Variants in ART3 observed in about 807,000 individuals in gnomAD.
The protein encoded by ART3 is ecto-ADP-ribosyltransferase 3.
Under a neutral mutation model 48.5 loss-of-function variants are expected in ART3, and 49 were observed. The observed-to-expected ratio is 1.01, with a 90% CI of 0.80 to 1.28. The LOEUF is 1.28. ART3 is among the 50% of genes most tolerant of loss of function. The probability of loss-of-function intolerance (pLI) is 0.00; values close to 1 mark genes in which losing one functional copy is unlikely to be tolerated. For synonymous variants in ART3, 145 were observed against 157.2 expected (o/e 0.92, Z 0.58); for missense variants, 438 against 454.3 (o/e 0.96, Z 0.33).
chr4:76,109,189 C>G (rs6843361), intron 11 of ART3, among the ~76,000 whole-genome samples: 26,483 of 152,098 alleles, frequency 0.17, 2,536 homozygotes, highest in East Asian at 0.41. Context: ...ACACATTGTA[C>G]AGTAGTACAA....
At chr4:76,064,886 C>T (rs924935985) in intron 1 of ART3, among the ~76,000 whole-genome samples, 1 of 150,210 alleles carries the variant, frequency 6.7e-6, no homozygotes, top group Non-Finnish European at 1.5e-5. Flanking sequence ...GGCTGGAGTG[C>T]GGTGGCAAGA....
chr4:76,101,046 G>T (rs1205245666), intron 8 of ART3, 27 bp downstream of exon 8: 9 of 1,611,442 alleles, frequency 5.6e-6, no homozygotes, highest in African/African-American at 4.0e-5. Context: ...AATTCTGGGG[G>T]CTTACATTTT....
chr4:76,036,004 T>C (rs1734366198), intron 1 of ART3: 2 of 1,611,330 alleles, frequency 1.2e-6, no homozygotes, highest in Admixed American at 3.3e-5. Flanking sequence ...TTTTTGCTGT[T>C]GCTGCTGGTG....
At chr4:76,023,298 T>G in intron 1 of ART3, 1 of 1,174,996 alleles carries the variant, frequency 8.5e-7, no homozygotes, top group Non-Finnish European at 1.3e-6. Flanking sequence ...AATACATTAT[T>G]TCTGTATTTT....
intron 1 of ART3, among the ~76,000 whole-genome samples, chr4:76,028,771 C>T (rs1332029255): frequency 6.6e-6 from 1 of 152,208 alleles, no homozygotes; most frequent in Non-Finnish European, 1.5e-5. Flanking sequence ...CCTTCATAGC[C>T]AGCCTAAGCA....
chr4:76,038,229 A>T (rs1187796375), intron 1 of ART3, among the ~76,000 whole-genome samples: 1 of 152,232 alleles, frequency 6.6e-6, no homozygotes, highest in Non-Finnish European at 1.5e-5. Flanking sequence ...CTACACAGTC[A>T]CTTAACTTTT....
intron 11 of ART3, among the ~76,000 whole-genome samples, chr4:76,108,481 T>C (rs1444628423): frequency 6.6e-6 from 1 of 152,090 alleles, no homozygotes; most frequent in Admixed American, 6.6e-5. Flanking sequence ...AGGAAGTTGG[T>C]CAATTTTTCA....
chr4:76,022,515 G>T (rs1732949815), intron 1 of ART3: 1 of 1,534,570 alleles, frequency 6.5e-7, no homozygotes, highest in Non-Finnish European at 9.0e-7. Flanking sequence ...AAAACAGATG[G>T]CATACGCAGT....
intron 1 of ART3, among the ~76,000 whole-genome samples, chr4:76,062,650 T>C (rs1439750057): frequency 7.0e-6 from 1 of 143,826 alleles, no homozygotes; most frequent in Non-Finnish European, 1.5e-5. Flanking sequence ...AAGCTCCGCC[T>C]CTCGGGTTCA....
rs542489516 is a variant in ART3, at chr4:76,044,330, T to C, written c.-9-31551T>C. On this transcript the variant is annotated intron_variant, in intron 1 of 9. Coordinates refer to the ART3 transcript ENST00000341029. ...AAACCACATTCTTCCCCTAAGAAGG[T>C]GCAGAGTCCTCCTTTCTCAGCAGTG... Among the ~76,000 whole-genome samples the C allele has an allele frequency of 1.1e-4, 16 of 152,184 alleles. No homozygotes were observed. The East Asian group carries it at 3.1e-3, about 29-fold the overall frequency.
intron 1 of ART3, among the ~76,000 whole-genome samples, chr4:76,057,509 CAAAAT>C (rs1276483300): frequency 3.3e-5 from 5 of 152,130 alleles, no homozygotes; most frequent in African/African-American, 4.8e-5. Context: ...AATATTAACT[CAAAAT>C]AAAAAGTTAA....
intron 1 of ART3, among the ~76,000 whole-genome samples, chr4:76,027,414 A>G (rs1463168467): frequency 6.6e-6 from 1 of 152,182 alleles, no homozygotes; most frequent in Non-Finnish European, 1.5e-5. Context: ...TAAAGTGTGA[A>G]TGTTACTTAA....
chr4:76,052,033 G>A (rs758700429), intron 1 of ART3, among the ~76,000 whole-genome samples: 1 of 150,798 alleles, frequency 6.6e-6, no homozygotes, highest in East Asian at 2.0e-4. Context: ...TCAGCCTGCC[G>A]AGTAGCCTGG....
At position 76,105,306 on chromosome 4, in the gene ART3, T is replaced by TCAGG. The variant is rs541446577; in HGVS notation, c.1003+678_1003+681dup. Reference sequence around the variant, plus strand: ...GCTGTGTAGACAGATAGACCTGGCTTCAGGAAGTCTCTGCCACTTTCCTCT... The same window carrying TCAGG: ...GCTGTGTAGACAGATAGACCTGGCTTCAGGCAGGAAGTCTCTGCCACTTTCCTCT... On this transcript the variant is annotated intron_variant, in intron 10 of 11. Coordinates refer to ENST00000355810, the MANE Select transcript of ART3 (RefSeq NM_001130016.3). Among the ~76,000 whole-genome samples the TCAGG allele has an allele frequency of 3.3e-5, 5 of 152,296 alleles. No individual in the cohort carries two copies. The East Asian group carries it at 9.7e-4, about 29-fold the overall frequency.
At chr4:76,030,203 T>G (rs1249873162) in intron 1 of ART3, among the ~76,000 whole-genome samples, 1 of 152,152 alleles carries the variant, frequency 6.6e-6, no homozygotes, top group African/African-American at 2.4e-5. Context: ...ATTACAGGCA[T>G]GCACCACCAT....
intron 3 of ART3, among the ~76,000 whole-genome samples, chr4:76,088,789 C>G (rs944912621): frequency 5.3e-5 from 8 of 152,050 alleles, no homozygotes; most frequent in Admixed American, 3.3e-4. Flanking sequence ...AGCAAATTCA[C>G]CAGGCTGCCA....
At chr4:76,049,203 A>T (rs569690937) in intron 1 of ART3, among the ~76,000 whole-genome samples, 1 of 152,014 alleles carries the variant, frequency 6.6e-6, no homozygotes, top group Non-Finnish European at 1.5e-5. Flanking sequence ...ACTATAAATC[A>T]TTCTTATAGG....
chr4:76,069,327 C>T (rs912998555), intron 1 of ART3, among the ~76,000 whole-genome samples: 1 of 150,820 alleles, frequency 6.6e-6, no homozygotes, highest in Non-Finnish European at 1.5e-5. Flanking sequence ...AATCTACTTT[C>T]TGTCTGTATA....
chr4:76,042,753 T>C (rs1735092130), intron 1 of ART3, among the ~76,000 whole-genome samples: 1 of 152,080 alleles, frequency 6.6e-6, no homozygotes. Context: ...ATAAAAGCAG[T>C]GTGGACCCAA....
Sources: gnomAD v4.1 joint callset for allele counts (sites outside exome capture counted in the v4.1 genomes callset) on GRCh38, gnomAD v4.1.1 for gene constraint, MANE v1.5 for transcripts, NCBI Gene and HGNC (gene_info 2026-07-23, HGNC 2026-07-21) for gene names.